The following PTPRD variants were observed in gnomAD, a reference collection of about 807,000 sequenced individuals.
PTPRD encodes the protein protein tyrosine phosphatase receptor type D.
PTPRD carries 34 observed loss-of-function variants against 214.5 expected under a neutral mutation model. That is an observed-to-expected ratio of 0.16 (90% CI 0.12 to 0.21). The LOEUF (loss-of-function observed/expected upper bound fraction) is 0.21. PTPRD is among the 10% of genes least tolerant of loss of function. The probability of loss-of-function intolerance (pLI) is 1.00; values close to 1 mark genes in which losing one functional copy is unlikely to be tolerated. For missense variants in PTPRD, 2,545 were observed against 2,398.7 expected (o/e 1.06, Z -1.27); for synonymous variants, 1,128 against 845.7 (o/e 1.33, Z -5.79).
intron 3 of PTPRD, among the ~76,000 whole-genome samples, chr9:10,036,565 T>C (rs995085895): frequency 3.9e-5 from 5 of 128,816 alleles, no homozygotes; most frequent in African/African-American, 1.2e-4. Context: ...ACAGCACAAA[T>C]ACATTTTTTT....
chr9:10,511,931 CGTGTATATATATAT>C (rs2048237332), intron 2 of PTPRD, among the ~76,000 whole-genome samples: 1 of 63,808 alleles, frequency 1.6e-5, no homozygotes, highest in Non-Finnish European at 3.2e-5. Context: ...TATATATATA[CGTGTATATATATAT>C]ACGTGTGTGT....
At chr9:9,170,790 G>T (rs1466342075) in intron 10 of PTPRD, among the ~76,000 whole-genome samples, 2 of 152,176 alleles carry the variant, frequency 1.3e-5, no homozygotes, top group African/African-American at 4.8e-5. Flanking sequence ...AGTAAGTTGA[G>T]AATTCATCAT....
chr9:10,599,880 A>C (rs987307217), intron 2 of PTPRD, among the ~76,000 whole-genome samples: 1 of 151,838 alleles, frequency 6.6e-6, no homozygotes, highest in Non-Finnish European at 1.5e-5. Flanking sequence ...CCAACAGATC[A>C]GCATCAATAA....
intron 3 of PTPRD, among the ~76,000 whole-genome samples, chr9:10,269,119 C>T (rs901077565): frequency 1.6e-4 from 25 of 152,162 alleles, no homozygotes; most frequent in African/African-American, 5.8e-4. Context: ...AAAAGATTTT[C>T]ACTCCACAAG....
rs559447819 is a variant in PTPRD, at chr9:9,445,553, C to A, written c.-236-48071G>T. ...GACCTCAGGAAACTTACAATCATGG[C>A]GGAAGGGGAAGCAAACACGTCCTTC... On this transcript the variant is annotated intron_variant, in intron 8 of 45. Coordinates refer to ENST00000381196, the MANE Select transcript of PTPRD (RefSeq NM_002839.4). Among the ~76,000 whole-genome samples, 3 of 151,996 alleles carry A rather than the reference C, an allele frequency of 2.0e-5. No individual in the cohort carries two copies. The South Asian group carries it at 6.2e-4, about 31-fold the overall frequency.
At position 8,566,658 on chromosome 9, in the gene PTPRD, GC is replaced by G. The variant is rs565537470; in HGVS notation, c.353-37880del. ...ATCCAATTCATATTTGATCCTCAGC[GC>G]CTAGCAATGAGACTGAAATACGTTA... is the stretch of plus-strand genomic sequence containing the variant. On this transcript the variant is annotated intron_variant, in intron 14 of 45. Transcript: ENST00000381196. 3.9e-3 allele frequency among the ~76,000 whole-genome samples: 594 copies of G among 152,244 alleles called. 6 individuals carry two copies. The highest frequency in any genetic ancestry group is 0.013 in the African/African-American group (541 of 41,550).
chr9:8,451,908 G>C (rs1364367714), intron 33 of PTPRD: 1 of 499,976 alleles, frequency 2.0e-6, no homozygotes, highest in South Asian at 1.5e-5. Context: ...AGGTATTGTA[G>C]GGTAACCTCC....
intron 30 of PTPRD, among the ~76,000 whole-genome samples, chr9:8,475,512 T>C (rs12683581): frequency 0.2 from 30,306 of 152,082 alleles, 3,203 homozygotes; most frequent in East Asian, 0.27. Flanking sequence ...CTTAGCTATA[T>C]GCAAATGATT....
intron 5 of PTPRD, among the ~76,000 whole-genome samples, chr9:9,844,552 C>T (rs1003459994): frequency 6.6e-6 from 1 of 151,376 alleles, no homozygotes; most frequent in African/African-American, 2.4e-5. Flanking sequence ...ATATTTATAG[C>T]ATAAACAAAA....
chr9:10,464,263 A>G (rs533089940), intron 2 of PTPRD, among the ~76,000 whole-genome samples: 31 of 152,138 alleles, frequency 2.0e-4, no homozygotes, highest in African/African-American at 7.0e-4. Context: ...GCAAAAATAA[A>G]GATTTTAAAA....
chr9:9,086,494 G>A (rs1174889910), intron 10 of PTPRD, among the ~76,000 whole-genome samples: 3 of 152,076 alleles, frequency 2.0e-5, no homozygotes, highest in Admixed American at 1.3e-4. Context: ...TTCCCACATT[G>A]GATTATTATC....
intron 43 of PTPRD, among the ~76,000 whole-genome samples, chr9:8,332,862 AGAGCCTTCAACTTGTTCCTCCATT>A (rs1842837257): frequency 6.6e-6 from 1 of 152,236 alleles, no homozygotes; most frequent in South Asian, 2.1e-4. Flanking sequence ...TTCTCATTAA[AGAGCCTTCAACTTGTTCCTCCATT>A]GTTTCTGTTA....
intron 11 of PTPRD, among the ~76,000 whole-genome samples, chr9:8,950,719 T>TTA (rs2099097067): frequency 6.6e-6 from 1 of 151,370 alleles, no homozygotes. Flanking sequence ...TTTTTTTTTT[T>TTA]AAATAGAGCT....
At position 9,018,553 on chromosome 9, in the gene PTPRD, C is replaced by T. The variant is rs544273869; in HGVS notation, c.-104+144G>A. On this transcript the variant is annotated intron_variant, in intron 11 of 45. Coordinates refer to ENST00000381196, the MANE Select transcript of PTPRD (RefSeq NM_002839.4). Reference sequence around the variant, plus strand: ...CTCCAAATAATTTGAAAGTGTTGAACGTTCACTTTTATTCCTTATACTCCA... The same window carrying T: ...CTCCAAATAATTTGAAAGTGTTGAATGTTCACTTTTATTCCTTATACTCCA... 4.6e-5 allele frequency: 7 copies of T among 152,212 alleles called. No homozygotes were observed. In the East Asian group the frequency reaches 5.8e-4, roughly 13 times the overall value. 9.4% of individuals were successfully genotyped at this position (152,212 alleles called of 1,614,324 possible).
chr9:8,928,519 G>T (rs1177603809), intron 11 of PTPRD, among the ~76,000 whole-genome samples: 3 of 151,802 alleles, frequency 2.0e-5, no homozygotes, highest in African/African-American at 7.3e-5. Context: ...TTGTAGATGT[G>T]TGGCATTATT....
chr9:8,493,594 G>A (rs1206269521), intron 26 of PTPRD, among the ~76,000 whole-genome samples: 1 of 152,104 alleles, frequency 6.6e-6, no homozygotes, highest in Admixed American at 6.6e-5. Context: ...TTAATGGATT[G>A]TATTATCATT....
At chr9:10,384,950 C>T (rs987476572) in intron 2 of PTPRD, among the ~76,000 whole-genome samples, 1 of 151,668 alleles carries the variant, frequency 6.6e-6, no homozygotes, top group African/African-American at 2.4e-5. Context: ...CATTCTTAGC[C>T]TCAAATATCC....
At chr9:10,554,298 T>A (rs182866434) in intron 2 of PTPRD, among the ~76,000 whole-genome samples, 1 of 152,316 alleles carries the variant, frequency 6.6e-6, no homozygotes, top group Non-Finnish European at 1.5e-5. Flanking sequence ...AATAATCTCA[T>A]GGACCTTTAG....
At chr9:10,237,671 G>A (rs1297545085) in intron 3 of PTPRD, among the ~76,000 whole-genome samples, 2 of 151,848 alleles carry the variant, frequency 1.3e-5, no homozygotes, top group African/African-American at 4.8e-5. Flanking sequence ...TCCTAGGTCT[G>A]CAAATCTGTT....
Sources: gnomAD v4.1 joint callset for allele counts (sites outside exome capture counted in the v4.1 genomes callset) on GRCh38, gnomAD v4.1.1 for gene constraint, MANE v1.5 for transcripts, NCBI Gene and HGNC (gene_info 2026-07-23, HGNC 2026-07-21) for gene names.